ZNF710: variants seen among roughly 807,000 people sequenced by gnomAD.
ZNF710 encodes the protein zinc finger protein 710.
A neutral mutation model predicts 50.6 loss-of-function variants in ZNF710; 13 were observed. The observed-to-expected ratio is 0.26, with a 90% CI of 0.17 to 0.41. The LOEUF (loss-of-function observed/expected upper bound fraction) is 0.41. ZNF710 is among the 10% of genes least tolerant of loss of function. The pLI, the probability that ZNF710 is intolerant of heterozygous loss-of-function variation, is 1.00. For missense variants in ZNF710, 721 were observed against 936.6 expected (o/e 0.77, Z 3.01); for synonymous variants, 383 against 397.0 (o/e 0.96, Z 0.42).
rs148692263 is a variant in ZNF710, at chr15:90,058,338, A to G, written c.-28-8772A>G. On this transcript the variant is annotated intron_variant, in intron 1 of 4. Transcript: ENST00000268154. ...AGTGTGCATCTGCTCTTGCTAACTA[A>G]TTTGGAGAGGCCCTTCCCTATGCTG... 1.5e-3 allele frequency among the ~76,000 whole-genome samples: 230 copies of G among 152,154 alleles called. 2 individuals carry two copies. Among genetic ancestry groups the G allele is most frequent in the African/African-American group, 5.3e-3 (222 of 41,496 alleles).
At chr15:90,028,203 CA>C (rs1444668130) in intron 1 of ZNF710, among the ~76,000 whole-genome samples, 1 of 152,148 alleles carries the variant, frequency 6.6e-6, no homozygotes, top group Non-Finnish European at 1.5e-5. Context: ...TAGATGTTAA[CA>C]TTTGCCATAT....
chr15:90,000,878 G>GC (rs548839070), upstream of ZNF710, among the ~76,000 whole-genome samples: 91 of 151,846 alleles, frequency 6.0e-4, no homozygotes, highest in Non-Finnish European at 1.0e-3. Context: ...GGGGCGCAGG[G>GC]CCCCCGGGCC....
At chr15:90,074,572 CAT>C (rs1158619024) in intron 4 of ZNF710, 193 of 1,322,244 alleles carry the variant, frequency 1.5e-4, no homozygotes, top group African/African-American at 4.4e-5. Context: ...TTTATTAACT[CAT>C]GTGATCCTCA....
intron 1 of ZNF710, chr15:90,006,724 C>A (rs141244870): frequency 6.5e-6 from 1 of 154,872 alleles, no homozygotes; most frequent in East Asian, 1.9e-4. Flanking sequence ...AACCTTGCCA[C>A]TCCATATGTG....
intron 1 of ZNF710, among the ~76,000 whole-genome samples, chr15:90,066,003 C>T (rs1900158893): frequency 6.6e-6 from 1 of 152,210 alleles, no homozygotes; most frequent in African/African-American, 2.4e-5. Context: ...AACATGTTAG[C>T]TGTCAAGGAG....
At position 90,079,987 on chromosome 15, in the gene ZNF710, A is replaced by G; in HGVS notation, c.*158A>G. ...CATTTGCACCACTAGGGACCTTTAG[A>G]CCAAATGGAGACTGTACTACTGGCC... is the stretch of plus-strand genomic sequence containing the variant. On this transcript the variant is annotated 3_prime_UTR_variant, in exon 5 of 5. Transcript: ENST00000268154. 1.5e-6 allele frequency: 1 copy of G among 666,408 alleles called. No homozygotes were observed. Among genetic ancestry groups the G allele is most frequent in the African/African-American group, 1.9e-5 (1 of 52,880 alleles). The allele number at this position is 666,408 out of a possible 1,614,324, so 41.3% of individuals were successfully genotyped here.
At chr15:90,026,306 A>G (rs548204850) in intron 1 of ZNF710, among the ~76,000 whole-genome samples, 7 of 151,496 alleles carry the variant, frequency 4.6e-5, no homozygotes, top group African/African-American at 1.7e-4. Flanking sequence ...GGACATTGCA[A>G]TAGATACAGA....
chr15:90,081,652 T>C lies in ZNF710; in HGVS notation c.*1823T>C, dbSNP rs1349945099. ...GTGACCCCGTCACTGTATAAGACAT[T>C]TTCTCCTGCTGAGCAGAAGGCATCA... On this transcript the variant is annotated 3_prime_UTR_variant, in exon 5 of 5. Transcript: ENST00000268154. 6.6e-6 allele frequency: 1 copy of C among 152,178 alleles called. No homozygotes were observed. Among genetic ancestry groups the C allele is most frequent in the Non-Finnish European group, 1.5e-5 (1 of 68,100 alleles). The allele number at this position is 152,178 out of a possible 1,614,324, so 9.4% of individuals were successfully genotyped here.
intron 1 of ZNF710, among the ~76,000 whole-genome samples, chr15:90,016,437 T>G (rs1392656949): frequency 6.6e-6 from 1 of 152,094 alleles, no homozygotes; most frequent in Non-Finnish European, 1.5e-5. Context: ...TTTTCTTGCT[T>G]TCTTATATTT....
At chr15:90,023,519 T>C (rs920775971) in intron 1 of ZNF710, among the ~76,000 whole-genome samples, 4 of 152,118 alleles carry the variant, frequency 2.6e-5, no homozygotes, top group African/African-American at 9.7e-5. Flanking sequence ...AAATTGAACA[T>C]AAACACACTT....
In ZNF710 at chr15:90,079,763, C is replaced by T. The variant is rs1900677577; in HGVS notation, c.1929C>T (p.Ser643=). Residue 643 remains serine (S), a synonymous_variant, in exon 5 of 5, where the codon AGC becomes AGT. Transcript: ENST00000268154. ...ENAYSYASVD[S]SAEASVLTEQ... ...CCTACAGCTATGCGAGCGTGGACAG[C>T]AGCGCCGAGGCCAGTGTCCTCACTG... 6.2e-7 allele frequency: 1 copy of T among 1,613,152 alleles called. No individual in the cohort carries two copies. The highest frequency in any genetic ancestry group is 2.2e-5 in the East Asian group (1 of 44,880).
chr15:90,009,748 AAAG>A lies in ZNF710; in HGVS notation c.-29+8139_-29+8141del, dbSNP rs998189736. 2.0e-4 allele frequency among the ~76,000 whole-genome samples: 31 copies of A among 151,998 alleles called. 1 individual carries two copies. Among genetic ancestry groups the A allele is most frequent in the African/African-American group, 5.8e-4 (24 of 41,440 alleles). On this transcript the variant is annotated intron_variant, in intron 1 of 4. Coordinates refer to ENST00000268154, the MANE Select transcript of ZNF710 (RefSeq NM_198526.4). ...ACTTCTCTTTACCCTAGGATTTCAC[AAAG>A]AAGAGTCCACTCTGTCCCCACTTCC...
At chr15:90,002,655 C>T (rs1461026346) in intron 1 of ZNF710, 1 of 152,328 alleles carries the variant, frequency 6.6e-6, no homozygotes, top group Non-Finnish European at 1.5e-5. Context: ...CCCTTCACCG[C>T]GGACTTGCTA....
rs577588025 is a variant in ZNF710, at chr15:90,053,809, C to A, written c.-28-13301C>A. Among the ~76,000 whole-genome samples, 28 of 152,240 alleles carry A rather than the reference C, an allele frequency of 1.8e-4. No individual in the cohort carries two copies. In the South Asian group the frequency reaches 4.8e-3, roughly 26 times the overall value. On this transcript the variant is annotated intron_variant, in intron 1 of 4. Coordinates refer to ENST00000268154, the MANE Select transcript of ZNF710 (RefSeq NM_198526.4). ...GGATGCCTCCTCCCAGGGAGCCCCCCCAACACACACTTCCCACCCGTGTGT... is the reference window on the plus strand; with the variant it reads ...GGATGCCTCCTCCCAGGGAGCCCCCACAACACACACTTCCCACCCGTGTGT...
rs570591515 is a variant in ZNF710 at position 90,012,203 on chromosome 15, CA to C, written c.-29+10593del. On this transcript the variant is annotated intron_variant, in intron 1 of 4. Transcript: ENST00000268154. ...CTGGCAACAGAGGGAGACTCCATCT[CA>C]AAAGAAAAAAAAAAAGAAAAAGAAG... is the stretch of plus-strand genomic sequence containing the variant. Among the ~76,000 whole-genome samples, 4 of 139,032 alleles carry C rather than the reference CA, an allele frequency of 2.9e-5. No individual in the cohort carries two copies. The South Asian group carries it at 9.1e-4, about 32-fold the overall frequency. 91.2% of individuals were successfully genotyped at this position (139,032 alleles called of 152,430 possible).
At chr15:90,072,883 C>T (rs1016927199) in intron 2 of ZNF710, among the ~76,000 whole-genome samples, 188 bp from the exon 3 acceptor site, 4 of 152,178 alleles carry the variant, frequency 2.6e-5, no homozygotes, top group Non-Finnish European at 4.4e-5. Context: ...GTAAGTGGCT[C>T]TGCCCCCACA....
chr15:90,067,330 G>C lies in ZNF710; in HGVS notation c.193G>C (p.Asp65His), dbSNP rs1042789622. 9 of 1,603,808 alleles carry C rather than the reference G, an allele frequency of 5.6e-6. No homozygotes were observed. The highest frequency in any genetic ancestry group is 1.7e-5 in the Admixed American group (1 of 58,334). The change falls in exon 2 of 5, where the codon GAC becomes CAC. Residue 65 changes from aspartate (D) to histidine (H), a missense_variant. Coordinates refer to ENST00000268154, the MANE Select transcript of ZNF710 (RefSeq NM_198526.4). The surrounding 1 kb of genome is among the most constrained non-coding windows in gnomAD (Gnocchi z 8.1). Reference protein sequence around the residue: ...AMGEPEPPGPDVYQLACNGRA... With the variant: ...AMGEPEPPGPHVYQLACNGRA... ...GGGAGAGCCCGAGCCACCAGGCCCC[G>C]ACGTCTACCAGCTGGCCTGCAACGG...
At chr15:90,033,518 G>A (rs1034634914) in intron 1 of ZNF710, among the ~76,000 whole-genome samples, 2 of 152,172 alleles carry the variant, frequency 1.3e-5, no homozygotes, top group Non-Finnish European at 2.9e-5. Context: ...GCTACTCCAC[G>A]TTGAGCCTTC....
chr15:90,025,881 T>C (rs984677458), intron 1 of ZNF710: 2 of 152,150 alleles, frequency 1.3e-5, no homozygotes, highest in African/African-American at 4.8e-5. Flanking sequence ...AAATAAAGAA[T>C]GTACTGACAA....
Sources: allele counts gnomAD v4.1 joint callset (sites outside exome capture counted in the v4.1 genomes callset), GRCh38; gene constraint gnomAD v4.1.1; non-coding constraint Gnocchi (gnomAD v3.1); transcripts MANE v1.5; gene names NCBI Gene and HGNC (gene_info 2026-07-23, HGNC 2026-07-21).